LHFPL3: variants seen among roughly 807,000 people sequenced by gnomAD.
LHFPL3 encodes LHFPL tetraspan subfamily member 3.
Under a neutral mutation model 19.3 loss-of-function variants are expected in LHFPL3, and 5 were observed. The ratio of observed to expected loss-of-function variants is 0.26; its 90% confidence interval spans 0.14 to 0.54. LHFPL3 has a LOEUF of 0.54. LHFPL3 is among the 20% of genes least tolerant of loss of function. LHFPL3 has a pLI of 0.94. For synonymous variants in LHFPL3, 133 were observed against 126.2 expected (o/e 1.05, Z -0.36); for missense variants, 249 against 307.4 (o/e 0.81, Z 1.42).
chr7:104,553,472 T>A (rs1794699316), intron 1 of LHFPL3, among the ~76,000 whole-genome samples: 1 of 152,202 alleles, frequency 6.6e-6, no homozygotes, highest in African/African-American at 2.4e-5. Context: ...TTGAACCACT[T>A]GCCACCTTTG....
At chr7:104,509,462 A>G (rs771968662) in intron 1 of LHFPL3, among the ~76,000 whole-genome samples, 9 of 152,138 alleles carry the variant, frequency 5.9e-5, no homozygotes, top group Non-Finnish European at 1.3e-4. Flanking sequence ...CACCATATTC[A>G]CAGGCTAAAG....
At chr7:104,475,913 A>G (rs1412409112) in intron 1 of LHFPL3, among the ~76,000 whole-genome samples, 1 of 152,150 alleles carries the variant, frequency 6.6e-6, no homozygotes, top group South Asian at 2.1e-4. Flanking sequence ...TTTACTAGCA[A>G]TTGTTTAGCC....
At chr7:104,866,858 G>C (rs1791732757) in intron 2 of LHFPL3, among the ~76,000 whole-genome samples, 1 of 152,170 alleles carries the variant, frequency 6.6e-6, no homozygotes, top group South Asian at 2.1e-4. Flanking sequence ...TAAAAGAACA[G>C]AAATTATAAT....
At chr7:104,668,581 G>T in intron 1 of LHFPL3, 15 of 1,612,870 alleles carry the variant, frequency 9.3e-6, no homozygotes, top group Non-Finnish European at 1.2e-5. Flanking sequence ...AGAGCATTTG[G>T]CAGTGGGTAT....
intron 2 of LHFPL3, among the ~76,000 whole-genome samples, chr7:104,885,729 A>G (rs1323450935): frequency 6.6e-6 from 1 of 151,748 alleles, no homozygotes; most frequent in East Asian, 1.9e-4. Flanking sequence ...TCTTCTTGTC[A>G]CTCACTCACT....
At chr7:104,818,538 A>G (rs1023110768) in intron 2 of LHFPL3, among the ~76,000 whole-genome samples, 5 of 152,172 alleles carry the variant, frequency 3.3e-5, no homozygotes, top group African/African-American at 1.2e-4. Context: ...TTCCATTATT[A>G]CAGTTTCAGT....
intron 1 of LHFPL3, among the ~76,000 whole-genome samples, chr7:104,411,109 G>A (rs1791526631): frequency 6.6e-6 from 1 of 152,184 alleles, no homozygotes; most frequent in South Asian, 2.1e-4. Flanking sequence ...TTAATTAAAA[G>A]ATAATATGAG....
intron 2 of LHFPL3, among the ~76,000 whole-genome samples, chr7:104,843,135 G>C (rs907986213): frequency 1.4e-4 from 21 of 152,220 alleles, no homozygotes; most frequent in Non-Finnish European, 2.8e-4. Flanking sequence ...TTGACATAGT[G>C]AGAGGCTGCC....
chr7:104,693,500 T>G (rs982494977), intron 1 of LHFPL3, among the ~76,000 whole-genome samples: 1 of 152,078 alleles, frequency 6.6e-6, no homozygotes, highest in African/African-American at 2.4e-5. Flanking sequence ...ATGGGGGCAG[T>G]TTCCCCCATG....
At chr7:104,856,021 T>G (rs950427912) in intron 2 of LHFPL3, among the ~76,000 whole-genome samples, 2 of 152,160 alleles carry the variant, frequency 1.3e-5, no homozygotes, top group Non-Finnish European at 2.9e-5. Context: ...GTCCTGTTAT[T>G]CTTTTACCCA....
chr7:104,501,466 A>G (rs1793596919), intron 1 of LHFPL3, among the ~76,000 whole-genome samples: 1 of 152,220 alleles, frequency 6.6e-6, no homozygotes, highest in Non-Finnish European at 1.5e-5. Flanking sequence ...AGATGCTAAT[A>G]AAATTTGGAG....
At chr7:104,786,783 T>A (rs1454268931) in intron 2 of LHFPL3, among the ~76,000 whole-genome samples, 2 of 151,200 alleles carry the variant, frequency 1.3e-5, no homozygotes, top group Non-Finnish European at 3.0e-5. Flanking sequence ...ATATGGCTAG[T>A]GCAATCTAAT....
intron 1 of LHFPL3, among the ~76,000 whole-genome samples, chr7:104,716,355 C>T (rs968340670): frequency 6.6e-6 from 1 of 151,144 alleles, no homozygotes; most frequent in African/African-American, 2.4e-5. Context: ...AAAAAAAAAG[C>T]CATCCAAATC....
At chr7:104,739,303 C>T (rs1290695648) in intron 2 of LHFPL3, among the ~76,000 whole-genome samples, 5 of 152,126 alleles carry the variant, frequency 3.3e-5, no homozygotes, top group Non-Finnish European at 2.9e-5. Context: ...AACATTGAAG[C>T]TTCCAAAGTC....
chr7:104,345,756 G>A (rs1411247364), intron 1 of LHFPL3, among the ~76,000 whole-genome samples: 1 of 151,812 alleles, frequency 6.6e-6, no homozygotes, highest in East Asian at 1.9e-4. Context: ...ATAATAAGTG[G>A]TTTTACAAAG....
chr7:104,432,223 G>A (rs770106768), intron 1 of LHFPL3, among the ~76,000 whole-genome samples: 1 of 152,114 alleles, frequency 6.6e-6, no homozygotes, highest in Non-Finnish European at 1.5e-5. Flanking sequence ...TTTTATGTCA[G>A]TAGTACTTTC....
intron 1 of LHFPL3, among the ~76,000 whole-genome samples, chr7:104,681,195 C>G (rs1247339930): frequency 6.8e-6 from 1 of 146,760 alleles, no homozygotes; most frequent in East Asian, 2.0e-4. Context: ...GGGATCTGCC[C>G]TGTTTACTCT....
intron 1 of LHFPL3, among the ~76,000 whole-genome samples, chr7:104,379,315 G>A (rs1264190200): frequency 3.9e-5 from 6 of 152,160 alleles, no homozygotes. Context: ...TGCACTTCTT[G>A]GGCCTCCCTC....
At chr7:104,813,494 G>C (rs1790513120) in intron 2 of LHFPL3, among the ~76,000 whole-genome samples, 3 of 152,122 alleles carry the variant, frequency 2.0e-5, no homozygotes, top group African/African-American at 7.2e-5. Flanking sequence ...GTGCCCACTG[G>C]GCTTGTTTCA....
Sources: allele counts gnomAD v4.1 joint callset (sites outside exome capture counted in the v4.1 genomes callset), GRCh38; gene constraint gnomAD v4.1.1; transcripts MANE v1.5; gene names NCBI Gene and HGNC (gene_info 2026-07-23, HGNC 2026-07-21).